EXOC6B: variants seen among roughly 807,000 people sequenced by gnomAD.
EXOC6B encodes the protein SEC15 homolog B.
A neutral mutation model predicts 113.5 loss-of-function variants in EXOC6B; 54 were observed. The observed-to-expected ratio is 0.48, with a 90% confidence interval of 0.38 to 0.60. EXOC6B has a LOEUF of 0.60. EXOC6B is among the 20% of genes least tolerant of loss of function. The pLI is 0.00. For missense variants in EXOC6B, 797 were observed against 977.5 expected (o/e 0.82, Z 2.46); for synonymous variants, 357 against 339.0 (o/e 1.05, Z -0.58).
chr2:72,536,223 G>T (rs539372162), intron 8 of EXOC6B, among the ~76,000 whole-genome samples: 1 of 151,866 alleles, frequency 6.6e-6, no homozygotes, highest in Non-Finnish European at 1.5e-5. Context: ...TATAAGATAC[G>T]TCATTCAAGT....
At chr2:72,263,810 A>C (rs1573120249) in intron 20 of EXOC6B, among the ~76,000 whole-genome samples, 1 of 152,206 alleles carries the variant, frequency 6.6e-6, no homozygotes, top group Admixed American at 6.5e-5. Context: ...ACACAGCAGA[A>C]TATCCAGACA....
intron 1 of EXOC6B, among the ~76,000 whole-genome samples, chr2:72,792,300 T>C (rs955273098): frequency 8.6e-4 from 131 of 152,296 alleles, no homozygotes; most frequent in African/African-American, 3.0e-3. Context: ...TGCTGTGAAA[T>C]GGTAATAATG....
At chr2:72,619,757 C>T (rs577844701) in intron 6 of EXOC6B, among the ~76,000 whole-genome samples, 1 of 152,316 alleles carries the variant, frequency 6.6e-6, no homozygotes, top group Admixed American at 6.5e-5. Flanking sequence ...GGACAGCTCA[C>T]TCTCACAACA....
chr2:72,752,664 A>G (rs1232096564), intron 1 of EXOC6B, among the ~76,000 whole-genome samples: 1 of 151,530 alleles, frequency 6.6e-6, no homozygotes, highest in African/African-American at 2.4e-5. Flanking sequence ...CATTTCCTCA[A>G]ATTAGACTCG....
At chr2:72,621,050 G>A (rs1671712241) in intron 6 of EXOC6B, among the ~76,000 whole-genome samples, 1 of 152,162 alleles carries the variant, frequency 6.6e-6, no homozygotes, top group African/African-American at 2.4e-5. Context: ...ATACACTGTT[G>A]GTGGATATGT....
intron 20 of EXOC6B, among the ~76,000 whole-genome samples, chr2:72,214,897 T>C (rs1051287105): frequency 2.6e-5 from 4 of 152,214 alleles, no homozygotes; most frequent in Non-Finnish European, 5.9e-5. Context: ...GTTGAGGTCA[T>C]TGTTAATGGG....
chr2:72,667,724 C>A (rs1243067876), intron 6 of EXOC6B, among the ~76,000 whole-genome samples: 1 of 152,134 alleles, frequency 6.6e-6, no homozygotes, highest in African/African-American at 2.4e-5. Context: ...AAAATTCACT[C>A]AAGATGGACT....
chr2:72,759,996 A>G (rs892951567), intron 1 of EXOC6B, among the ~76,000 whole-genome samples: 4 of 152,224 alleles, frequency 2.6e-5, no homozygotes, highest in African/African-American at 7.2e-5. Context: ...TTGGAAGGAC[A>G]GTTGATTCAC....
chr2:72,774,600 T>C (rs1449130594), intron 1 of EXOC6B, among the ~76,000 whole-genome samples: 11 of 152,206 alleles, frequency 7.2e-5, no homozygotes, highest in African/African-American at 9.7e-5. Flanking sequence ...GAAATATATA[T>C]ACATATAAAT....
rs529602461 is a variant in EXOC6B at position 72,774,746 on chromosome 2, T to G, written c.114-33277A>C. Among the ~76,000 whole-genome samples, 10 of 152,236 alleles carry G rather than the reference T, an allele frequency of 6.6e-5. No homozygotes were observed. In the East Asian group the frequency reaches 1.9e-3, roughly 29 times the overall value. On this transcript the variant is annotated intron_variant, in intron 1 of 21. Transcript: ENST00000272427. ...CTGATGTCTCACAATTCTAATTAAT[T>G]CTCACACTATCTGCTGGAGTTAGCA... is the stretch of plus-strand genomic sequence containing the variant.
chr2:72,599,035 C>T (rs1670236506), intron 6 of EXOC6B, among the ~76,000 whole-genome samples: 2 of 152,124 alleles, frequency 1.3e-5, no homozygotes, highest in East Asian at 3.9e-4. Flanking sequence ...AAGATGCTTC[C>T]TAACTCATTC....
intron 17 of EXOC6B, among the ~76,000 whole-genome samples, chr2:72,471,732 A>G (rs1206440557): frequency 6.6e-6 from 1 of 152,116 alleles, no homozygotes; most frequent in African/African-American, 2.4e-5. Context: ...TCAGACTTCC[A>G]ATACTATGTT....
At chr2:72,566,178 A>T (rs1704168015) in intron 7 of EXOC6B, among the ~76,000 whole-genome samples, 1 of 152,138 alleles carries the variant, frequency 6.6e-6, no homozygotes, top group African/African-American at 2.4e-5. Flanking sequence ...GCCCCTTTGT[A>T]GTAAAATTGT....
chr2:72,297,961 T>G lies in EXOC6B; in HGVS notation c.2196+36986A>C, dbSNP rs199667614. Among the ~76,000 whole-genome samples the G allele has an allele frequency of 1.4e-4, 22 of 152,296 alleles. No individual in the cohort carries two copies. In the East Asian group the frequency reaches 2.9e-3, roughly 20 times the overall value. ...ATGTGGTGCTCAGAAGAATGTATATTCTGTTGATTTGGGGTGGAGAGTTCT... is the reference window on the plus strand; with the variant it reads ...ATGTGGTGCTCAGAAGAATGTATATGCTGTTGATTTGGGGTGGAGAGTTCT... On this transcript the variant is annotated intron_variant, in intron 20 of 21. Transcript: ENST00000272427.
At chr2:72,631,819 T>G (rs1034338145) in intron 6 of EXOC6B, among the ~76,000 whole-genome samples, 5 of 152,032 alleles carry the variant, frequency 3.3e-5, no homozygotes, top group Non-Finnish European at 5.9e-5. Context: ...CATCCAATCA[T>G]AACGCTTAGC....
In EXOC6B at chr2:72,606,482, C is replaced by T. The variant is rs184271617; in HGVS notation, c.670-30814G>A. ...TCCAGATATTAGTGATGGTTCTATACAAAATTTAGTCTAAGGCAGAAGAAT... is the reference window on the plus strand; with the variant it reads ...TCCAGATATTAGTGATGGTTCTATATAAAATTTAGTCTAAGGCAGAAGAAT... On this transcript the variant is annotated intron_variant, in intron 6 of 21. Coordinates refer to ENST00000272427, the MANE Select transcript of EXOC6B (RefSeq NM_015189.3). Among the ~76,000 whole-genome samples the T allele has an allele frequency of 6.4e-4, 98 of 152,086 alleles. 1 individual carries two copies. The East Asian group carries it at 0.014, about 21-fold the overall frequency.
At chr2:72,469,356 G>T (rs1028799067) in intron 17 of EXOC6B, among the ~76,000 whole-genome samples, 1 of 151,860 alleles carries the variant, frequency 6.6e-6, no homozygotes, top group Non-Finnish European at 1.5e-5. Flanking sequence ...GATTTAAATT[G>T]TTCTTTGCCT....
rs1438381751 is a variant in EXOC6B, at chr2:72,645,187, CAAAG to C, written c.670-69523_670-69520del. 8.5e-5 allele frequency among the ~76,000 whole-genome samples: 13 copies of C among 152,084 alleles called. No individual in the cohort carries two copies. In the East Asian group the frequency reaches 2.3e-3, roughly 27 times the overall value. The stretch of plus-strand genomic sequence containing the variant: ...TTAAACCAACAAAGATCAAAAGAGA[CAAAG>C]AAGGCCATTACCTAATGGCAAAAAG... On this transcript the variant is annotated intron_variant, in intron 6 of 21. Coordinates refer to ENST00000272427, the MANE Select transcript of EXOC6B (RefSeq NM_015189.3).
chr2:72,182,669 G>A (rs764804483), intron 21 of EXOC6B, among the ~76,000 whole-genome samples: 16 of 152,076 alleles, frequency 1.1e-4, no homozygotes, highest in Admixed American at 4.6e-4. Context: ...AATCCCTGCC[G>A]CCACTCCCAG....
Sources: allele counts gnomAD v4.1 joint callset (sites outside exome capture counted in the v4.1 genomes callset), GRCh38; gene constraint gnomAD v4.1.1; transcripts MANE v1.5; gene names NCBI Gene and HGNC (gene_info 2026-07-23, HGNC 2026-07-21).